The following LHFPL3 variants were observed in gnomAD, a reference collection of about 807,000 sequenced individuals.
The protein encoded by LHFPL3 is LHFPL tetraspan subfamily member 3, also known as LHFPL tetraspan subfamily member 3 protein.
LHFPL3 carries 5 observed loss-of-function variants against 19.3 expected under a neutral mutation model. The observed-to-expected ratio is 0.26, with a 90% confidence interval of 0.14 to 0.54. LHFPL3 has a LOEUF of 0.54. LHFPL3 is among the 20% of genes least tolerant of loss of function. The probability of loss-of-function intolerance (pLI) is 0.94; values close to 1 mark genes in which losing one functional copy is unlikely to be tolerated. For synonymous variants in LHFPL3, 133 were observed against 126.2 expected (o/e 1.05, Z -0.36); for missense variants, 249 against 307.4 (o/e 0.81, Z 1.42).
At chr7:104,626,109 C>T (rs1425814063) in intron 1 of LHFPL3, among the ~76,000 whole-genome samples, 1 of 152,196 alleles carries the variant, frequency 6.6e-6, no homozygotes, top group African/African-American at 2.4e-5. Context: ...AAAAACATCA[C>T]TGAGCCCATG....
chr7:104,483,789 T>A (rs10240207), intron 1 of LHFPL3, among the ~76,000 whole-genome samples: 9,710 of 152,138 alleles, frequency 0.064, 807 homozygotes, highest in African/African-American at 0.2. Context: ...CTATTTTTTT[T>A]AAATTCTTAA....
chr7:104,848,100 A>G (rs990581465), intron 2 of LHFPL3, among the ~76,000 whole-genome samples: 1 of 152,196 alleles, frequency 6.6e-6, no homozygotes, highest in Non-Finnish European at 1.5e-5. Context: ...CTCAGAAAGT[A>G]TTACCAGGAT....
chr7:104,663,290 G>C (rs935515494), intron 1 of LHFPL3, among the ~76,000 whole-genome samples: 3 of 152,154 alleles, frequency 2.0e-5, no homozygotes, highest in African/African-American at 7.2e-5. Flanking sequence ...CAACACACCA[G>C]AAGTAACAAA....
chr7:104,845,445 G>A (rs1288116109), intron 2 of LHFPL3: 2 of 1,535,566 alleles, frequency 1.3e-6, no homozygotes, highest in East Asian at 2.4e-5. Flanking sequence ...TGTGAGCATG[G>A]CTTTGTGGGT....
At chr7:104,721,297 C>T (rs1431611308) in intron 1 of LHFPL3, among the ~76,000 whole-genome samples, 8 of 152,080 alleles carry the variant, frequency 5.3e-5, no homozygotes, top group Admixed American at 1.3e-4. Context: ...GACAGAAAAC[C>T]AAACACCGCA....
rs373609709 is a variant in LHFPL3, at chr7:104,442,663, G to C, written c.445+113439G>C. On this transcript the variant is annotated intron_variant, in intron 1 of 2. Transcript: ENST00000424859. ...TCAGCCAGATGGTTCTGCAGGCTGGGTGCCATCTGACCAGGCAATGTTTAG... is the reference window on the plus strand; with the variant it reads ...TCAGCCAGATGGTTCTGCAGGCTGGCTGCCATCTGACCAGGCAATGTTTAG... Among the ~76,000 whole-genome samples, 94 of 152,280 alleles carry C rather than the reference G, an allele frequency of 6.2e-4. 1 individual carries two copies. The highest frequency in any genetic ancestry group is 6.8e-3 in the Middle Eastern group (2 of 294).
In LHFPL3 at chr7:104,644,720, G is replaced by A. The variant is rs953425088; in HGVS notation, c.446-91955G>A. On this transcript the variant is annotated intron_variant, in intron 1 of 2. Coordinates refer to ENST00000424859, the MANE Select transcript of LHFPL3 (RefSeq NM_199000.3). ...TGGAGCAGACTCTTCTCCCTTGTTA[G>A]TGCCTGTTGCTCCCGCTTGGGACAT... Among the ~76,000 whole-genome samples the A allele has an allele frequency of 1.0e-4, 14 of 138,652 alleles. No homozygotes were observed. The East Asian group carries it at 1.1e-3, about 11-fold the overall frequency. 91.0% of individuals were successfully genotyped at this position (138,652 alleles called of 152,430 possible). A position where few individuals can be genotyped will look rare whatever the true frequency, so the allele number is the denominator to read the frequency against.
chr7:104,734,618 G>A (rs967862756), intron 1 of LHFPL3, among the ~76,000 whole-genome samples: 8 of 152,098 alleles, frequency 5.3e-5, no homozygotes, highest in South Asian at 2.1e-4. Flanking sequence ...TTAGCCATTC[G>A]TCTAATCTTT....
intron 1 of LHFPL3, among the ~76,000 whole-genome samples, chr7:104,599,872 A>C (rs1790930792): frequency 6.6e-6 from 1 of 152,212 alleles, no homozygotes; most frequent in African/African-American, 2.4e-5. Flanking sequence ...AGTGATCATC[A>C]AGGTCCTACC....
intron 2 of LHFPL3, among the ~76,000 whole-genome samples, chr7:104,868,327 A>T (rs1791768992): frequency 6.6e-6 from 1 of 152,188 alleles, no homozygotes; most frequent in Non-Finnish European, 1.5e-5. Flanking sequence ...TGTCTAGAAA[A>T]CCCCATTGTC....
At chr7:104,733,116 C>T (rs1370119733) in intron 1 of LHFPL3, among the ~76,000 whole-genome samples, 14 of 152,150 alleles carry the variant, frequency 9.2e-5, no homozygotes, top group Admixed American at 7.9e-4. Context: ...TGTTCTTTTA[C>T]ATTTGCTGAG....
At chr7:104,625,414 A>G (rs541558273) in intron 1 of LHFPL3, among the ~76,000 whole-genome samples, 2 of 152,354 alleles carry the variant, frequency 1.3e-5, no homozygotes, top group South Asian at 2.1e-4. Context: ...CAGTTCCACA[A>G]TATTGGAGAC....
intron 1 of LHFPL3, among the ~76,000 whole-genome samples, chr7:104,642,897 GTGT>G (rs1791863615): frequency 6.6e-6 from 1 of 152,168 alleles, no homozygotes. Context: ...AGCTGTCATT[GTGT>G]TGTTGTTATT....
At chr7:104,794,415 C>T (rs1222652012) in intron 2 of LHFPL3, among the ~76,000 whole-genome samples, 3 of 152,150 alleles carry the variant, frequency 2.0e-5, no homozygotes, top group African/African-American at 7.2e-5. Context: ...AAATTTGCCA[C>T]ATGGGGAATG....
intron 2 of LHFPL3, among the ~76,000 whole-genome samples, chr7:104,870,854 T>C (rs1791821676): frequency 6.6e-6 from 1 of 152,030 alleles, no homozygotes; most frequent in Admixed American, 6.6e-5. Context: ...ATGTATAGCA[T>C]CCTCCAAAAC....
rs530383088 is a variant in LHFPL3, at chr7:104,356,192, G to T, written c.445+26968G>T. Among the ~76,000 whole-genome samples the T allele has an allele frequency of 2.0e-5, 3 of 152,296 alleles. No homozygotes were observed. The South Asian group carries it at 6.2e-4, about 32-fold the overall frequency. ...AGGTTTGGTCACTGTTCAGTCCAGG[G>T]TAGGTGATGAGAAAGAACAGAACGC... On this transcript the variant is annotated intron_variant, in intron 1 of 2. Coordinates refer to ENST00000424859, the MANE Select transcript of LHFPL3 (RefSeq NM_199000.3).
intron 2 of LHFPL3, among the ~76,000 whole-genome samples, chr7:104,755,164 T>G (rs1217112046): frequency 6.6e-6 from 1 of 152,154 alleles, no homozygotes; most frequent in East Asian, 1.9e-4. Flanking sequence ...ATTTTCTTCC[T>G]GGAACTAGCA....
chr7:104,903,047 C>T (rs1792522686), intron 2 of LHFPL3, among the ~76,000 whole-genome samples: 1 of 152,140 alleles, frequency 6.6e-6, no homozygotes, highest in Non-Finnish European at 1.5e-5. Context: ...CCGGAGGCTT[C>T]CTTCTCCCCT....
At chr7:104,337,901 G>A (rs780362624) in intron 1 of LHFPL3, among the ~76,000 whole-genome samples, 2 of 151,980 alleles carry the variant, frequency 1.3e-5, no homozygotes, top group Non-Finnish European at 2.9e-5. Flanking sequence ...TGACCACTTG[G>A]TATGTTATAA....
Sources: gnomAD v4.1 joint callset for allele counts (sites outside exome capture counted in the v4.1 genomes callset) on GRCh38, gnomAD v4.1.1 for gene constraint, MANE v1.5 for transcripts, NCBI Gene and HGNC (gene_info 2026-07-23, HGNC 2026-07-21) for gene names.